The following NDUFS4 variants were observed in gnomAD, a reference collection of about 807,000 sequenced individuals.
NDUFS4 encodes the protein NADH dehydrogenase [ubiquinone] iron-sulfur protein 4, mitochondrial.
NDUFS4 carries 28 observed loss-of-function variants against 24.3 expected under a neutral mutation model. The observed-to-expected ratio is 1.15, with a 90% confidence interval of 0.85 to 1.58. The LOEUF (loss-of-function observed/expected upper bound fraction) is 1.58. NDUFS4 is among the 40% of genes most tolerant of loss of function. The pLI is 0.00. For synonymous variants in NDUFS4, 93 were observed against 69.7 expected (o/e 1.34, Z -1.67); for missense variants, 223 against 207.9 (o/e 1.07, Z -0.45).
intron 1 of NDUFS4, among the ~76,000 whole-genome samples, chr5:53,571,231 C>A (rs1464123860): frequency 3.3e-5 from 5 of 152,192 alleles, no homozygotes; most frequent in African/African-American, 4.8e-5. Context: ...TAACGACTAA[C>A]CTTCTTTTTG....
chr5:53,603,533 A>T lies in NDUFS4; in HGVS notation c.177+3A>T, dbSNP rs1561356293. Reference sequence around the variant, plus strand: ...TCATAACAGTTGATGAAAAATTGGTAAGGATTTTCTACTACACACTGCTAT... The same window carrying T: ...TCATAACAGTTGATGAAAAATTGGTTAGGATTTTCTACTACACACTGCTAT... On this transcript the variant is annotated splice_donor_region_variant and intron_variant, in intron 2 of 4. Coordinates refer to ENST00000296684, the MANE Select transcript of NDUFS4 (RefSeq NM_002495.4). The T allele has an allele frequency of 6.2e-7, 1 of 1,611,650 alleles. No individual in the cohort carries two copies. Among genetic ancestry groups the T allele is most frequent in the Admixed American group, 1.7e-5 (1 of 60,000 alleles).
chr5:53,663,900 A>T (rs1752425944), intron 4 of NDUFS4, among the ~76,000 whole-genome samples: 2 of 152,100 alleles, frequency 1.3e-5, no homozygotes, highest in African/African-American at 4.8e-5. Flanking sequence ...TATTTTGCTC[A>T]TTAGTTGATG....
chr5:53,568,934 CA>C lies in NDUFS4; in HGVS notation c.98+8179del, dbSNP rs540040883. Reference sequence around the variant, plus strand: ...TTATTTCTTTGTGTTTTCTAGGACTCAAAAATATGTTTTTTCCTTTATTCAG... The same window carrying C: ...TTATTTCTTTGTGTTTTCTAGGACTCAAAATATGTTTTTTCCTTTATTCAG... On this transcript the variant is annotated intron_variant, in intron 1 of 4. Coordinates refer to ENST00000296684, the MANE Select transcript of NDUFS4 (RefSeq NM_002495.4). Among the ~76,000 whole-genome samples the C allele has an allele frequency of 9.9e-5, 15 of 152,182 alleles. No homozygotes were observed. In the South Asian group the frequency reaches 3.1e-3, roughly 32 times the overall value.
At chr5:53,570,684 C>CTTTTTTTT (rs70983360) in intron 1 of NDUFS4, among the ~76,000 whole-genome samples, 1 of 119,864 alleles carries the variant, frequency 8.3e-6, no homozygotes, top group Non-Finnish European at 1.7e-5. Flanking sequence ...ATTTTTTTTT[C>CTTTTTTTT]TTTTTTTTTT....
At chr5:53,644,959 G>A (rs1456954201) in intron 2 of NDUFS4, among the ~76,000 whole-genome samples, 2 of 152,140 alleles carry the variant, frequency 1.3e-5, no homozygotes, top group South Asian at 2.1e-4. Flanking sequence ...CCACTAGTAC[G>A]TACTAGCTAA....
chr5:53,603,336 CTTT>C (rs11414085), intron 1 of NDUFS4, 113 bp from the exon 2 acceptor site: 103 of 508,748 alleles, frequency 2.0e-4, no homozygotes, highest in Non-Finnish European at 2.8e-4. Context: ...CTTTCCTTTC[CTTT>C]TTTTTTTTTT....
intron 1 of NDUFS4, among the ~76,000 whole-genome samples, chr5:53,574,761 CTTTT>C (rs1166195634): frequency 6.6e-6 from 1 of 151,854 alleles, no homozygotes; most frequent in Non-Finnish European, 1.5e-5. Context: ...TGGATGCTTT[CTTTT>C]TTTTGTTATT....
chr5:53,649,507 TCATC>T (rs1489188768), intron 3 of NDUFS4, among the ~76,000 whole-genome samples: 1 of 152,222 alleles, frequency 6.6e-6, no homozygotes, highest in Admixed American at 6.5e-5. Context: ...GCCTCCACCT[TCATC>T]CATGTTGCCA....
intron 1 of NDUFS4, among the ~76,000 whole-genome samples, chr5:53,569,165 T>G (rs1367220515): frequency 6.6e-6 from 1 of 152,140 alleles, no homozygotes; most frequent in Non-Finnish European, 1.5e-5. Flanking sequence ...AGTGATCTCT[T>G]CAATATACTT....
chr5:53,653,015 A>G (rs558081763), intron 3 of NDUFS4, among the ~76,000 whole-genome samples: 1 of 152,066 alleles, frequency 6.6e-6, no homozygotes, highest in Admixed American at 6.5e-5. Flanking sequence ...GCAGGACTTT[A>G]ATTTTGATTA....
intron 2 of NDUFS4, among the ~76,000 whole-genome samples, chr5:53,634,260 C>T (rs187015314): frequency 5.2e-4 from 79 of 152,242 alleles, no homozygotes; most frequent in Non-Finnish European, 8.5e-4. Flanking sequence ...ATGAATATTT[C>T]ATTATTAAAT....
intron 4 of NDUFS4, among the ~76,000 whole-genome samples, chr5:53,675,362 C>T (rs989430069): frequency 1.6e-4 from 24 of 151,824 alleles, no homozygotes; most frequent in African/African-American, 5.8e-4. Flanking sequence ...CGGGGTTTCA[C>T]CTTGTTAGCC....
Position 53,646,388 on chromosome 5 carries a change from G to A in NDUFS4, c.333G>A (p.Leu111=), listed in dbSNP as rs769147607. The change falls in exon 3 of 5, where the codon TTG becomes TTA. Residue 111 remains leucine (L), a synonymous_variant. Coordinates refer to ENST00000296684, the MANE Select transcript of NDUFS4 (RefSeq NM_002495.4). The part of the protein sequence containing the change: ...FDTRERWENP[L]MGWASTADPL... ...CCAGAGAGCGATGGGAAAATCCTTT[G>A]ATGGGTTGGGCATCAACGTGAGTAC... 1 of 1,613,678 alleles carries A rather than the reference G, an allele frequency of 6.2e-7. No homozygotes were observed. Among genetic ancestry groups the A allele is most frequent in the Non-Finnish European group, 8.5e-7 (1 of 1,179,692 alleles).
intron 1 of NDUFS4, among the ~76,000 whole-genome samples, chr5:53,593,950 T>A (rs1274584053): frequency 1.3e-5 from 2 of 152,118 alleles, no homozygotes; most frequent in African/African-American, 4.8e-5. Flanking sequence ...AGGTATGTTT[T>A]ATGTCCCAGA....
chr5:53,584,366 T>A (rs929499186), intron 1 of NDUFS4, among the ~76,000 whole-genome samples: 24 of 152,200 alleles, frequency 1.6e-4, no homozygotes, highest in African/African-American at 5.1e-4. Context: ...GAGCTTCTTT[T>A]TTTTTTGAGA....
chr5:53,586,727 G>A (rs1749769802), intron 1 of NDUFS4, among the ~76,000 whole-genome samples: 1 of 151,980 alleles, frequency 6.6e-6, no homozygotes, highest in Non-Finnish European at 1.5e-5. Flanking sequence ...GTTTCACCGT[G>A]TTAGCCAGGA....
chr5:53,674,327 A>G (rs1304552429), intron 4 of NDUFS4, among the ~76,000 whole-genome samples: 1 of 152,214 alleles, frequency 6.6e-6, no homozygotes, highest in Non-Finnish European at 1.5e-5. Flanking sequence ...GTGATAGGGC[A>G]CATGAGTGTC....
At chr5:53,676,185 C>A (rs1740463187) in intron 4 of NDUFS4, among the ~76,000 whole-genome samples, 1 of 152,120 alleles carries the variant, frequency 6.6e-6, no homozygotes, top group Non-Finnish European at 1.5e-5. Flanking sequence ...CTAATTGAGA[C>A]AAAACTGATT....
intron 2 of NDUFS4, among the ~76,000 whole-genome samples, chr5:53,628,582 G>C (rs1325349173): frequency 6.6e-6 from 1 of 152,022 alleles, no homozygotes; most frequent in Non-Finnish European, 1.5e-5. Context: ...TCAGAGATTT[G>C]ACTTCTTCCT....
Sources: allele counts gnomAD v4.1 joint callset (sites outside exome capture counted in the v4.1 genomes callset), GRCh38; gene constraint gnomAD v4.1.1; transcripts MANE v1.5; gene names NCBI Gene and HGNC (gene_info 2026-07-23, HGNC 2026-07-21).